The following KIAA1217 variants were observed in gnomAD, a reference collection of about 807,000 sequenced individuals.
The protein encoded by KIAA1217 is KIAA1217, also known as sickle tail protein homolog.
Under a neutral mutation model 163.9 loss-of-function variants are expected in KIAA1217, and 88 were observed. The observed-to-expected ratio is 0.54, with a 90% CI of 0.45 to 0.64. The LOEUF (loss-of-function observed/expected upper bound fraction) is 0.64. Ranked by LOEUF, KIAA1217 falls within the 30% of genes least tolerant of loss-of-function variation. The probability of loss-of-function intolerance (pLI) is 0.00; values close to 1 mark genes in which losing one functional copy is unlikely to be tolerated. For missense variants in KIAA1217, 2,372 were observed against 2,475.0 expected, an observed-to-expected ratio of 0.96 and a Z score of 0.88; for synonymous variants, 903 against 923.1, an observed-to-expected ratio of 0.98 and a Z score of 0.39.
intron 2 of KIAA1217, among the ~76,000 whole-genome samples, chr10:24,223,164 G>C (rs2069903803): frequency 6.6e-6 from 1 of 152,078 alleles, no homozygotes; most frequent in South Asian, 2.1e-4. Context: ...CTGTGACTTA[G>C]AATGTCTTAA....
At chr10:24,504,436 A>G (rs1435852864) in intron 9 of KIAA1217, among the ~76,000 whole-genome samples, 2 of 152,132 alleles carry the variant, frequency 1.3e-5, no homozygotes, top group African/African-American at 4.8e-5. Context: ...CTCCCCATCA[A>G]ACTTCTGTCT....
intron 3 of KIAA1217, among the ~76,000 whole-genome samples, chr10:24,384,306 T>C (rs1424374636): frequency 6.6e-6 from 1 of 152,132 alleles, no homozygotes; most frequent in African/African-American, 2.4e-5. Context: ...TTTTATTTTT[T>C]AGGAGCAATT....
intron 1 of KIAA1217, among the ~76,000 whole-genome samples, chr10:23,725,158 A>T (rs6482323): frequency 0.22 from 33,241 of 152,150 alleles, 3,877 homozygotes; most frequent in African/African-American, 0.29. Flanking sequence ...TAAACCACAT[A>T]TGGACTCTTG....
At chr10:24,104,034 C>T (rs1479829575) in intron 2 of KIAA1217, among the ~76,000 whole-genome samples, 1 of 152,090 alleles carries the variant, frequency 6.6e-6, no homozygotes. Flanking sequence ...ATAATCCCCA[C>T]ACATTGTGGG....
Position 24,151,038 on chromosome 10 carries a change from C to T in KIAA1217, c.-170-68588C>T, listed in dbSNP as rs115876905. On this transcript the variant is annotated intron_variant, in intron 2 of 18. Transcript: ENST00000376462. The stretch of plus-strand genomic sequence containing the variant: ...GCTAGAGAAGCTGAAATCTGACTCC[C>T]GTTCTGGGAGACAAAGCTGGAGGAA... 4.3e-3 allele frequency among the ~76,000 whole-genome samples: 660 copies of T among 152,196 alleles called. 3 individuals carry two copies. Among genetic ancestry groups the T allele is most frequent in the African/African-American group, 0.015 (632 of 41,518 alleles).
intron 1 of KIAA1217, among the ~76,000 whole-genome samples, chr10:23,907,120 A>C (rs1046101809): frequency 6.6e-6 from 1 of 152,130 alleles, no homozygotes. Context: ...GTATTAAAGC[A>C]ACTGGCCTAA....
intron 2 of KIAA1217, among the ~76,000 whole-genome samples, chr10:24,316,204 G>C (rs2043346287): frequency 6.6e-6 from 1 of 152,156 alleles, no homozygotes; most frequent in Non-Finnish European, 1.5e-5. Flanking sequence ...CTGTTCATCA[G>C]TTGTTAAATT....
At chr10:24,343,214 C>T (rs1290688109) in intron 2 of KIAA1217, among the ~76,000 whole-genome samples, 1 of 152,064 alleles carries the variant, frequency 6.6e-6, no homozygotes, top group African/African-American at 2.4e-5. Context: ...CAAATCTTAC[C>T]AGAAATGTTA....
intron 11 of KIAA1217, among the ~76,000 whole-genome samples, chr10:24,520,627 C>CAAAAAAAAAAAAAA (rs71472812): frequency 8.9e-5 from 4 of 44,940 alleles, no homozygotes; most frequent in Non-Finnish European, 1.3e-4. Flanking sequence ...ACATCTCTAC[C>CAAAAAAAAAAAAAA]AAAAAAAAAA....
intron 1 of KIAA1217, among the ~76,000 whole-genome samples, chr10:23,696,616 T>G (rs1836059785): frequency 6.6e-6 from 1 of 152,216 alleles, no homozygotes; most frequent in South Asian, 2.1e-4. Flanking sequence ...ATGATTCATG[T>G]GTGGTCTCAG....
chr10:24,177,184 C>T (rs1000670524), intron 2 of KIAA1217, among the ~76,000 whole-genome samples: 2 of 147,060 alleles, frequency 1.4e-5, no homozygotes, highest in African/African-American at 2.5e-5. Context: ...TCAAGCATGA[C>T]CAGAGTGGAC....
At chr10:24,151,014 C>T (rs1589687404) in intron 2 of KIAA1217, among the ~76,000 whole-genome samples, 1 of 152,002 alleles carries the variant, frequency 6.6e-6, no homozygotes, top group African/African-American at 2.4e-5. Flanking sequence ...ACTTAGGGGG[C>T]TAGAGAAGCT....
intron 2 of KIAA1217, among the ~76,000 whole-genome samples, chr10:24,150,684 G>C (rs1358174175): frequency 6.6e-6 from 1 of 152,138 alleles, no homozygotes; most frequent in Non-Finnish European, 1.5e-5. Context: ...AAATAGCCAA[G>C]GACACATCAG....
At position 24,099,854 on chromosome 10, in the gene KIAA1217, C is replaced by A. The variant is rs536502248; in HGVS notation, c.-171+92480C>A. On this transcript the variant is annotated intron_variant, in intron 2 of 18. Coordinates refer to the KIAA1217 transcript ENST00000376462. ...AACATGTGGTGTTTGGTTTTTTTGT[C>A]CTTGCGACACTGCAGGGGTAGATAG... 1.5e-3 allele frequency among the ~76,000 whole-genome samples: 228 copies of A among 148,246 alleles called. 1 individual carries two copies. The highest frequency in any genetic ancestry group is 1.1e-3 in the Non-Finnish European group (73 of 67,604).
intron 9 of KIAA1217, among the ~76,000 whole-genome samples, chr10:24,501,906 G>A (rs1487564542): frequency 1.3e-5 from 2 of 151,484 alleles, no homozygotes; most frequent in Admixed American, 6.6e-5. Flanking sequence ...CCGCCACCAC[G>A]CCCGGCTAAT....
intron 3 of KIAA1217, among the ~76,000 whole-genome samples, chr10:24,427,734 C>G (rs2059286674): frequency 6.6e-6 from 1 of 152,198 alleles, no homozygotes; most frequent in Non-Finnish European, 1.5e-5. Flanking sequence ...GAATCTGGAG[C>G]AGCCAGCACT....
chr10:24,294,144 C>A (rs1005736175), intron 2 of KIAA1217, among the ~76,000 whole-genome samples: 13 of 146,486 alleles, frequency 8.9e-5, no homozygotes, highest in Admixed American at 4.1e-4. Flanking sequence ...GCCGAGATAG[C>A]GCCACTGCAC....
Position 24,000,474 on chromosome 10 carries a change from G to A in KIAA1217, c.-320-6751G>A, listed in dbSNP as rs150582000. ...TTGTAAGTTTCCTGAGGCTTCTCCAGCCCTGCGGAAACGTGAGTCAATTAA... is the reference window on the plus strand; with the variant it reads ...TTGTAAGTTTCCTGAGGCTTCTCCAACCCTGCGGAAACGTGAGTCAATTAA... On this transcript the variant is annotated intron_variant, in intron 1 of 18. Coordinates refer to the KIAA1217 transcript ENST00000376462. Among the ~76,000 whole-genome samples the A allele has an allele frequency of 3.4e-4, 52 of 152,314 alleles. No individual in the cohort carries two copies. The East Asian group carries it at 9.4e-3, about 28-fold the overall frequency.
Position 24,249,625 on chromosome 10 carries a change from A to AGTGT in KIAA1217, c.354+29716_354+29717insGTGT, listed in dbSNP as rs1564341355. On this transcript the variant is annotated intron_variant, in intron 2 of 20. Transcript: ENST00000376454. Reference sequence around the variant, plus strand: ...ATTCATGCCAATGCAATACAATAAAAATATTCCCCATATACACTTAAATCA... The same window carrying AGTGT: ...ATTCATGCCAATGCAATACAATAAAAGTGTATATTCCCCATATACACTTAAATCA... Among the ~76,000 whole-genome samples the AGTGT allele has an allele frequency of 3.9e-5, 6 of 152,220 alleles. 1 individual carries two copies. Among genetic ancestry groups the AGTGT allele is most frequent in the Admixed American group, 3.9e-4 (6 of 15,280 alleles).
Sources: allele counts gnomAD v4.1 joint callset (sites outside exome capture counted in the v4.1 genomes callset), GRCh38; gene constraint gnomAD v4.1.1; transcripts MANE v1.5; gene names NCBI Gene and HGNC (gene_info 2026-07-23, HGNC 2026-07-21).